Variants in COL4A4 observed in about 807,000 individuals in gnomAD.
COL4A4 encodes collagen alpha-4(IV) chain.
In COL4A4, 105 loss-of-function variants were observed where a neutral mutation model predicts 192.9. That is an observed-to-expected ratio of 0.54 (90% CI 0.46 to 0.64). COL4A4 has a LOEUF of 0.64. Among genes scored for constraint, COL4A4 ranks in the 30% least tolerant of loss-of-function variants. The pLI is 0.00. For synonymous variants in COL4A4, 762 were observed against 769.9 expected, an observed-to-expected ratio of 0.99 and a Z score of 0.17; for missense variants, 1,967 against 2,169.3, an observed-to-expected ratio of 0.91 and a Z score of 1.85.
Position 227,041,860 on chromosome 2 carries a change from A to AAGAGAGAGAGAGAGAGAG in COL4A4, c.3505+287_3505+288insCTCTCTCTCTCTCTCTCT. On this transcript the variant is annotated intron_variant, in intron 37 of 47. Transcript: ENST00000396625. ...AGAAAGAAAGAAAGAGAAAGAAAGAAAGAAAGAAAGAAAGAAAGAAAGAAA... is the reference window on the plus strand; with the variant it reads ...AGAAAGAAAGAAAGAGAAAGAAAGAAAGAGAGAGAGAGAGAGAGAGAAAGAAAGAAAGAAAGAAAGAAA... Among the ~76,000 whole-genome samples the AAGAGAGAGAGAGAGAGAG allele has an allele frequency of 3.2e-5, 3 of 92,336 alleles. No homozygotes were observed. The South Asian group carries it at 1.2e-3, about 36-fold the overall frequency. The allele number at this position is 92,336 out of a possible 152,430, so 60.6% of individuals were successfully genotyped here.
intron 25 of COL4A4, among the ~76,000 whole-genome samples, chr2:227,064,417 T>C (rs1345561773): frequency 6.6e-6 from 1 of 152,194 alleles, no homozygotes; most frequent in East Asian, 1.9e-4. Flanking sequence ...CAGCCAAACC[T>C]AAGACTAATT....
At chr2:227,115,142 C>A (rs2061421184) in intron 7 of COL4A4, among the ~76,000 whole-genome samples, 1 of 151,850 alleles carries the variant, frequency 6.6e-6, no homozygotes, top group Non-Finnish European at 1.5e-5. Flanking sequence ...ATGTTCCTTT[C>A]AGAAGGTTTT....
the COL4A4 span, chr2:226,996,169 T>A: frequency 2.0e-5 from 3 of 152,644 alleles, no homozygotes; most frequent in African/African-American, 7.2e-5. Context: ...GGAAGACTCC[T>A]ACACACACCA....
the COL4A4 span, among the ~76,000 whole-genome samples, chr2:226,970,332 C>T: frequency 4.4e-4 from 67 of 152,044 alleles, 1 homozygote; most frequent in African/African-American, 1.5e-3. Context: ...AAACAGAAGA[C>T]GGTGTCTGCT....
At chr2:227,108,780 A>G (rs933890859) in intron 11 of COL4A4, 53 bp downstream of exon 11, 5 of 1,579,712 alleles carry the variant, frequency 3.2e-6, no homozygotes, top group African/African-American at 2.7e-5. Flanking sequence ...ATCAGTGGTC[A>G]ACCATTTCAT....
chr2:227,069,687 T>C lies in COL4A4; in HGVS notation c.1988-7089A>G, dbSNP rs535291203. Among the ~76,000 whole-genome samples, 4 of 152,248 alleles carry C rather than the reference T, an allele frequency of 2.6e-5. No individual in the cohort carries two copies. The East Asian group carries it at 7.7e-4, about 29-fold the overall frequency. ...CCATACGTAGAAAGCTGAAACCAGA[T>C]CCCTTCCTTACACCTTATACAAAAA... On this transcript the variant is annotated intron_variant, in intron 25 of 47. Transcript: ENST00000396625.
chr2:227,015,625 C>T (rs899891929), intron 44 of COL4A4, among the ~76,000 whole-genome samples: 2 of 152,204 alleles, frequency 1.3e-5, no homozygotes, highest in Non-Finnish European at 2.9e-5. Context: ...TCATTTTCTG[C>T]TAGCCTGTGG....
intron 25 of COL4A4, among the ~76,000 whole-genome samples, chr2:227,070,562 C>G (rs1394155384): frequency 6.6e-6 from 1 of 152,054 alleles, no homozygotes; most frequent in African/African-American, 2.4e-5. Context: ...AGTGCATGTC[C>G]TTTGTAGGGA....
rs370524076 is a variant in COL4A4 at position 227,040,706 on chromosome 2, C to G, written c.3505+1442G>C. Among the ~76,000 whole-genome samples the G allele has an allele frequency of 2.9e-3, 442 of 151,928 alleles. 3 individuals are homozygous for G. Among genetic ancestry groups the G allele is most frequent in the African/African-American group, 0.01 (417 of 41,454 alleles). On this transcript the variant is annotated intron_variant, in intron 37 of 47. Coordinates refer to ENST00000396625, the MANE Select transcript of COL4A4 (RefSeq NM_000092.5). ...TCAGCCTCCAGAGTAGATGGGATTA[C>G]AGGCATGCACCACCACAGAGCTAAC...
chr2:227,089,248 TGAA>T (rs1295172839), intron 21 of COL4A4, among the ~76,000 whole-genome samples: 1 of 151,948 alleles, frequency 6.6e-6, no homozygotes, highest in East Asian at 1.9e-4. Context: ...AAATAATACA[TGAA>T]GAAGGATTTT....
intron 30 of COL4A4, among the ~76,000 whole-genome samples, chr2:227,055,521 A>G (rs1035996554): frequency 2.6e-5 from 4 of 151,878 alleles, no homozygotes; most frequent in African/African-American, 9.7e-5. Flanking sequence ...TAATAAAATA[A>G]AAAAATAAAA....
At chr2:227,026,473 T>C (rs1966865666) in intron 42 of COL4A4, among the ~76,000 whole-genome samples, 1 of 146,726 alleles carries the variant, frequency 6.8e-6, no homozygotes, top group Admixed American at 7.0e-5. Context: ...CACTCCAGCC[T>C]GGGTGACAAA....
chr2:226,979,594 A>AGG, the COL4A4 span, among the ~76,000 whole-genome samples: 1 of 152,200 alleles, frequency 6.6e-6, no homozygotes. Context: ...CATCCCGCAC[A>AGG]GGAGGAGAGA....
rs1290930254 is a variant in COL4A4, at chr2:227,057,486, G to A, written c.2498C>T (p.Pro833Leu). The A allele has an allele frequency of 1.2e-6, 2 of 1,612,400 alleles. No homozygotes were observed. The highest frequency in any genetic ancestry group is 2.7e-5 in the African/African-American group (2 of 74,906). Residue 833 changes from proline (P) to leucine (L), a missense_variant, in exon 29 of 48, where the codon CCA becomes CTA. By Grantham distance (98) the Pro-to-Leu change is moderately conservative. Coordinates refer to ENST00000396625, the MANE Select transcript of COL4A4 (RefSeq NM_000092.5). ...GAGTCCCGGTTGCCCTGGTATCCCT[G>A]GAGCACCTCTTTCACAGGAATGGCC... ...PPGHSCERGA[P>L]GIPGQPGLPG... is the part of the protein sequence containing the mutation.
At chr2:227,140,881 A>T (rs1401897056) in intron 3 of COL4A4, among the ~76,000 whole-genome samples, 3 of 55,632 alleles carry the variant, frequency 5.4e-5, no homozygotes, top group African/African-American at 1.2e-4. Context: ...AGCATCACAC[A>T]CACACACACA....
chr2:227,046,583 TTTTAAATA>T (rs1388181813), intron 35 of COL4A4, among the ~76,000 whole-genome samples: 6 of 152,092 alleles, frequency 3.9e-5, no homozygotes, highest in African/African-American at 1.5e-4. Context: ...GATATGCATA[TTTTAAATA>T]TTGGTGCATT....
chr2:227,112,690 C>T (rs2061283153), intron 8 of COL4A4, among the ~76,000 whole-genome samples: 1 of 152,208 alleles, frequency 6.6e-6, no homozygotes, highest in South Asian at 2.1e-4. Flanking sequence ...ATGTCTCCTC[C>T]AGTGGAAACT....
intron 37 of COL4A4, among the ~76,000 whole-genome samples, chr2:227,038,006 A>G (rs1454702068): frequency 1.3e-5 from 2 of 152,228 alleles, no homozygotes; most frequent in Admixed American, 6.5e-5. Flanking sequence ...ATTTTCTCCC[A>G]TTCTGTAGGT....
At chr2:227,104,428 A>AAG (rs1371076356) in intron 12 of COL4A4, among the ~76,000 whole-genome samples, 1 of 146,342 alleles carries the variant, frequency 6.8e-6, no homozygotes, top group Non-Finnish European at 1.5e-5. Flanking sequence ...AAAAAAAAAA[A>AAG]AAAATTAGCC....
Sources: gnomAD v4.1 joint callset for allele counts (sites outside exome capture counted in the v4.1 genomes callset) on GRCh38, gnomAD v4.1.1 for gene constraint, MANE v1.5 for transcripts, NCBI Gene and HGNC (gene_info 2026-07-23, HGNC 2026-07-21) for gene names.